CENPP: variants seen among roughly 807,000 people sequenced by gnomAD.
CENPP encodes centromere protein P.
CENPP carries 24 observed loss-of-function variants against 35.6 expected under a neutral mutation model. The observed-to-expected ratio is 0.67, with a 90% CI of 0.49 to 0.95. The LOEUF (loss-of-function observed/expected upper bound fraction) is 0.95. Among genes scored for constraint, CENPP ranks in the 40% least tolerant of loss-of-function variants. CENPP has a pLI of 0.00. For missense variants in CENPP, 332 were observed against 345.3 expected, an observed-to-expected ratio of 0.96 and a Z score of 0.31; for synonymous variants, 120 against 125.5, an observed-to-expected ratio of 0.96 and a Z score of 0.29.
intron 5 of CENPP, among the ~76,000 whole-genome samples, chr9:92,521,680 T>G (rs72754435): frequency 0.032 from 4,887 of 152,304 alleles, 110 homozygotes; most frequent in South Asian, 0.086. Flanking sequence ...AATGCCTAAT[T>G]GAAATCTTTA....
At chr9:92,446,236 T>C (rs1019831886) in intron 5 of CENPP, among the ~76,000 whole-genome samples, 10 of 152,212 alleles carry the variant, frequency 6.6e-5, no homozygotes, top group Non-Finnish European at 1.3e-4. Context: ...ATAATTTCAT[T>C]CTTTTTCTAT....
At position 92,423,567 on chromosome 9, in the gene CENPP, A is replaced by T. The variant is rs1054014173; in HGVS notation, c.564+43708A>T. Among the ~76,000 whole-genome samples, 40 of 152,082 alleles carry T rather than the reference A, an allele frequency of 2.6e-4. 1 individual carries two copies. Among genetic ancestry groups the T allele is most frequent in the African/African-American group, 4.8e-5 (2 of 41,426 alleles). ...AAGTTCTAAATTTTAATTTTATAAA[A>T]TTTTTTTGCTATTAAAAATACAATT... On this transcript the variant is annotated intron_variant, in intron 5 of 7. Transcript: ENST00000375587.
chr9:92,529,965 CT>C (rs1292239980), intron 5 of CENPP, among the ~76,000 whole-genome samples: 6 of 152,186 alleles, frequency 3.9e-5, no homozygotes, highest in Middle Eastern at 3.4e-3. Context: ...CATATGCAGA[CT>C]TTTTTTTCTT....
Position 92,417,273 on chromosome 9 carries a change from G to A in CENPP, c.564+37414G>A, listed in dbSNP as rs1381601912. ...TCAATTTCATTGAACTGAAGGTAGAGTTGCTGAATGTGCATCGGAATATTT... is the reference window on the plus strand; with the variant it reads ...TCAATTTCATTGAACTGAAGGTAGAATTGCTGAATGTGCATCGGAATATTT... On this transcript the variant is annotated intron_variant, in intron 5 of 7. Coordinates refer to ENST00000375587, the MANE Select transcript of CENPP (RefSeq NM_001012267.3). The A allele has an allele frequency of 1.2e-5, 19 of 1,613,978 alleles. No homozygotes were observed. Among genetic ancestry groups the A allele is most frequent in the Non-Finnish European group, 1.4e-5 (16 of 1,180,002 alleles).
intron 5 of CENPP, among the ~76,000 whole-genome samples, chr9:92,478,515 G>A (rs779735608): frequency 2.6e-5 from 4 of 151,964 alleles, no homozygotes; most frequent in African/African-American, 2.4e-5. Flanking sequence ...GTACAGTTGC[G>A]CCATCTTGGC....
intron 5 of CENPP, among the ~76,000 whole-genome samples, chr9:92,449,437 C>CAAAAAAAA (rs56218626): frequency 4.4e-4 from 24 of 54,952 alleles, no homozygotes; most frequent in Admixed American, 8.3e-4. Context: ...ACTCTATCTC[C>CAAAAAAAA]AAAAAAAAAA....
Position 92,540,834 on chromosome 9 carries a change from G to A in CENPP, c.565-70480G>A, listed in dbSNP as rs141940390. 2.3e-3 allele frequency among the ~76,000 whole-genome samples: 351 copies of A among 152,180 alleles called. 12 individuals are homozygous for A. The South Asian group carries it at 0.05, about 22-fold the overall frequency. On this transcript the variant is annotated intron_variant, in intron 5 of 7. Coordinates refer to ENST00000375587, the MANE Select transcript of CENPP (RefSeq NM_001012267.3). ...AGGAATCACTGGACCTAGATCAGGA[G>A]ATAACTGTGAGCAGCCTTTTGCCTT...
chr9:92,610,196 C>T (rs1234610958), intron 5 of CENPP, among the ~76,000 whole-genome samples: 2 of 152,206 alleles, frequency 1.3e-5, no homozygotes, highest in African/African-American at 4.8e-5. Flanking sequence ...GCTGGGACTA[C>T]TGGCACGTGC....
At chr9:92,508,580 C>T (rs1048010170) in intron 5 of CENPP, among the ~76,000 whole-genome samples, 1 of 152,192 alleles carries the variant, frequency 6.6e-6, no homozygotes, top group Non-Finnish European at 1.5e-5. Flanking sequence ...ATTGCTGACA[C>T]CCTTTGGTCT....
intron 5 of CENPP, among the ~76,000 whole-genome samples, chr9:92,557,204 G>C (rs758006431): frequency 1.1e-4 from 16 of 152,152 alleles, no homozygotes; most frequent in Non-Finnish European, 2.2e-4. Context: ...TAATCTGATA[G>C]GTTTTCCTTT....
chr9:92,411,129 C>T (rs1161434021), intron 5 of CENPP, among the ~76,000 whole-genome samples: 6 of 152,054 alleles, frequency 3.9e-5, no homozygotes, highest in African/African-American at 1.2e-4. Flanking sequence ...CCTGCCACCA[C>T]GCCCAGCTAC....
chr9:92,406,556 A>G (rs957158284), intron 5 of CENPP, among the ~76,000 whole-genome samples: 1 of 152,162 alleles, frequency 6.6e-6, no homozygotes, highest in Non-Finnish European at 1.5e-5. Flanking sequence ...CACATTTATT[A>G]TCTCACAGTT....
intron 5 of CENPP, among the ~76,000 whole-genome samples, chr9:92,518,841 A>G (rs1264865179): frequency 6.6e-6 from 1 of 152,198 alleles, no homozygotes; most frequent in East Asian, 1.9e-4. Flanking sequence ...GTGAGCCAAG[A>G]TCGTTCCACT....
chr9:92,550,294 G>A (rs1454544028), intron 5 of CENPP, among the ~76,000 whole-genome samples: 2 of 151,988 alleles, frequency 1.3e-5, no homozygotes, highest in African/African-American at 2.4e-5. Flanking sequence ...TACTTGGGAG[G>A]CTAAGGCAGG....
chr9:92,606,261 T>TA (rs1021385390), intron 5 of CENPP, among the ~76,000 whole-genome samples: 3 of 151,866 alleles, frequency 2.0e-5, no homozygotes, highest in Admixed American at 6.6e-5. Flanking sequence ...GATTCTGTCT[T>TA]AAAAAAATAA....
At chr9:92,390,755 C>G (rs910778735) in intron 5 of CENPP, among the ~76,000 whole-genome samples, 1 of 152,208 alleles carries the variant, frequency 6.6e-6, no homozygotes, top group Non-Finnish European at 1.5e-5. Context: ...CTGTGAGCCT[C>G]TGGCCACACA....
At chr9:92,543,724 A>G (rs1004940124) in intron 5 of CENPP, among the ~76,000 whole-genome samples, 5 of 152,084 alleles carry the variant, frequency 3.3e-5, no homozygotes, top group African/African-American at 9.7e-5. Context: ...AGTTTCTTTC[A>G]TCAGCGATTT....
chr9:92,328,504 A>G (rs563984757), intron 1 of CENPP, among the ~76,000 whole-genome samples: 20 of 152,316 alleles, frequency 1.3e-4, no homozygotes, highest in African/African-American at 4.3e-4. Flanking sequence ...TGGTAAAATT[A>G]TACCCAAGTT....
chr9:92,618,243 G>T lies in CENPP; in HGVS notation c.*5094G>T, dbSNP rs1006000749. On this transcript the variant is annotated 3_prime_UTR_variant, in exon 8 of 8. Transcript: ENST00000375587. Reference sequence around the variant, plus strand: ...GAGTGCTTTGTGCAGGATGGTTCCAGTGCCTACACCCTAGGTCTGAGAAGC... The same window carrying T: ...GAGTGCTTTGTGCAGGATGGTTCCATTGCCTACACCCTAGGTCTGAGAAGC... 1 of 456,548 alleles carries T rather than the reference G, an allele frequency of 2.2e-6. No individual in the cohort carries two copies. Among genetic ancestry groups the T allele is most frequent in the Admixed American group, 2.3e-5 (1 of 42,554 alleles). The allele number at this position is 456,548 out of a possible 1,614,324, so 28.3% of individuals were successfully genotyped here.
Sources: gnomAD v4.1 joint callset for allele counts (sites outside exome capture counted in the v4.1 genomes callset) on GRCh38, gnomAD v4.1.1 for gene constraint, MANE v1.5 for transcripts, NCBI Gene and HGNC (gene_info 2026-07-23, HGNC 2026-07-21) for gene names.